Variants in NXN observed in about 807,000 individuals in gnomAD.
The protein encoded by NXN is nucleoredoxin.
In NXN, 16 loss-of-function variants were observed where a neutral mutation model predicts 48.6. The observed-to-expected ratio is 0.33, with a 90% confidence interval of 0.22 to 0.50. NXN has a LOEUF of 0.50. Among genes scored for constraint, NXN ranks in the 20% least tolerant of loss-of-function variants. The pLI is 0.98. For missense variants in NXN, 492 were observed against 605.5 expected, an observed-to-expected ratio of 0.81 and a Z score of 1.97; for synonymous variants, 281 against 269.6, an observed-to-expected ratio of 1.04 and a Z score of -0.41.
chr17:896,337 T>A (rs1417512837), intron 1 of NXN, among the ~76,000 whole-genome samples: 7 of 103,234 alleles, frequency 6.8e-5, no homozygotes, highest in Non-Finnish European at 1.1e-4. Context: ...CAAAACTCCA[T>A]CTCAAAAAAA....
At chr17:813,886 A>C (rs1912318018) in intron 5 of NXN, among the ~76,000 whole-genome samples, 1 of 151,878 alleles carries the variant, frequency 6.6e-6, no homozygotes, top group Non-Finnish European at 1.5e-5. Context: ...AGATCGCTTG[A>C]ACCCGGGAGG....
At chr17:928,082 T>C (rs2068819375) in intron 1 of NXN, among the ~76,000 whole-genome samples, 1 of 151,816 alleles carries the variant, frequency 6.6e-6, no homozygotes, top group African/African-American at 2.4e-5. Context: ...CACAGGGTTG[T>C]GGTAAGGGAC....
At chr17:879,165 C>CA (rs1206155940) in intron 1 of NXN, among the ~76,000 whole-genome samples, 193 of 150,116 alleles carry the variant, frequency 1.3e-3, no homozygotes, top group Non-Finnish European at 2.0e-3. Context: ...AACTCTGTCT[C>CA]AAAAAAAACA....
intron 1 of NXN, among the ~76,000 whole-genome samples, chr17:892,108 C>T (rs1374507077): frequency 6.7e-6 from 1 of 148,604 alleles, no homozygotes; most frequent in African/African-American, 2.5e-5. Context: ...CCCCACCATG[C>T]ACAACCCAAC....
In NXN at chr17:800,717, G is replaced by C. The variant is rs931245448; in HGVS notation, c.*232C>G. ...CAGCCCCGCTCTGGCCGGGCCCCCGGCCATCCCGTGCTCCCAAACAGAGTC... is the reference window on the plus strand; with the variant it reads ...CAGCCCCGCTCTGGCCGGGCCCCCGCCCATCCCGTGCTCCCAAACAGAGTC... On this transcript the variant is annotated 3_prime_UTR_variant, in exon 8 of 8. Coordinates refer to ENST00000336868, the MANE Select transcript of NXN (RefSeq NM_022463.5). The C allele has an allele frequency of 8.2e-6, 3 of 365,560 alleles. No homozygotes were observed. The highest frequency in any genetic ancestry group is 1.5e-5 in the Non-Finnish European group (3 of 204,542). 22.6% of individuals were successfully genotyped at this position (365,560 alleles called of 1,614,324 possible).
At chr17:899,026 T>C (rs1390243774) in intron 1 of NXN, among the ~76,000 whole-genome samples, 6 of 145,992 alleles carry the variant, frequency 4.1e-5, no homozygotes, top group South Asian at 2.3e-4. Flanking sequence ...GGCACGATCT[T>C]GGCTCACTGC....
chr17:816,797 A>G (rs1466352563), intron 5 of NXN, among the ~76,000 whole-genome samples: 1 of 152,190 alleles, frequency 6.6e-6, no homozygotes, highest in Non-Finnish European at 1.5e-5. Context: ...ATGAATTAAG[A>G]GATGGGAAGC....
intron 1 of NXN, among the ~76,000 whole-genome samples, chr17:839,205 C>T (rs1291618295): frequency 2.0e-5 from 3 of 151,994 alleles, no homozygotes; most frequent in Admixed American, 6.6e-5. Flanking sequence ...GAGGCCGAGG[C>T]GGGCGGATCA....
chr17:864,727 C>T (rs1349733921), intron 1 of NXN, among the ~76,000 whole-genome samples: 1 of 152,182 alleles, frequency 6.6e-6, no homozygotes, highest in Non-Finnish European at 1.5e-5. Flanking sequence ...CACTCTGAGG[C>T]TCCTCTAATT....
rs1049952306 is a variant in NXN, at chr17:969,690, C to T, written c.360+9629G>A. 5.3e-5 allele frequency among the ~76,000 whole-genome samples: 8 copies of T among 152,040 alleles called. No homozygotes were observed. The South Asian group carries it at 6.2e-4, about 12-fold the overall frequency. ...ACCGTCTTGACCTGATCACGTTTAACGGGAGGAAAAGCAGCGCCTTCTGAT... is the reference window on the plus strand; with the variant it reads ...ACCGTCTTGACCTGATCACGTTTAATGGGAGGAAAAGCAGCGCCTTCTGAT... On this transcript the variant is annotated intron_variant, in intron 1 of 7. Transcript: ENST00000336868.
intron 1 of NXN, among the ~76,000 whole-genome samples, chr17:912,030 C>G (rs28709570): frequency 6.6e-6 from 1 of 151,484 alleles, no homozygotes; most frequent in African/African-American, 2.4e-5. Flanking sequence ...CTCTGCCTCC[C>G]GAGTTCAAGT....
chr17:869,584 G>A (rs2068130136), intron 1 of NXN, among the ~76,000 whole-genome samples: 1 of 152,226 alleles, frequency 6.6e-6, no homozygotes, highest in Admixed American at 6.5e-5. Context: ...AAATACTTTA[G>A]AAAGATACTG....
At position 978,038 on chromosome 17, in the gene NXN, T is replaced by G. The variant is rs2069482137; in HGVS notation, c.360+1281A>C. Reference sequence around the variant, plus strand: ...TCCCACTGCTTCGGGATGGATGATTTACTCAAGACATTTGGGGTCACAGTG... The same window carrying G: ...TCCCACTGCTTCGGGATGGATGATTGACTCAAGACATTTGGGGTCACAGTG... On this transcript the variant is annotated intron_variant, in intron 1 of 7. Transcript: ENST00000336868. This position sits in a 1 kb window ranked among gnomAD's most constrained non-coding sequence, Gnocchi z 4.1. Among the ~76,000 whole-genome samples the G allele has an allele frequency of 6.6e-6, 1 of 152,232 alleles. No individual in the cohort carries two copies. The highest frequency in any genetic ancestry group is 2.1e-4 in the South Asian group (1 of 4,834).
At chr17:960,738 A>G (rs1212530114) in intron 1 of NXN, among the ~76,000 whole-genome samples, 4 of 151,354 alleles carry the variant, frequency 2.6e-5, no homozygotes, top group Admixed American at 2.6e-4. Flanking sequence ...TTGGCCTCCC[A>G]AAGCACTGGG....
intron 1 of NXN, among the ~76,000 whole-genome samples, chr17:933,734 A>T (rs2068877705): frequency 6.6e-6 from 1 of 152,160 alleles, no homozygotes; most frequent in Non-Finnish European, 1.5e-5. Context: ...TATCCGTATT[A>T]TTCACGAGGC....
rs555978485 is a variant in NXN, at chr17:800,521, C to T, written c.*428G>A. 8.4e-4 allele frequency: 130 copies of T among 154,992 alleles called. No homozygotes were observed. Among genetic ancestry groups the T allele is most frequent in the Non-Finnish European group, 1.7e-3 (116 of 69,894 alleles). The allele number at this position is 154,992 out of a possible 1,614,324, so 9.6% of individuals were successfully genotyped here. ...GCTCTAAGCGGAGGCCCTTTCTCAG[C>T]TCAGCCTCCACGCAGGTGTCACCCG... On this transcript the variant is annotated 3_prime_UTR_variant, in exon 8 of 8. Transcript: ENST00000336868.
chr17:957,108 C>T (rs1597275524), intron 1 of NXN, among the ~76,000 whole-genome samples: 1 of 151,188 alleles, frequency 6.6e-6, no homozygotes, highest in Non-Finnish European at 1.5e-5. Context: ...AAACATGTGA[C>T]CAGCAGGGGC....
chr17:969,541 C>T (rs1181699705), intron 1 of NXN, among the ~76,000 whole-genome samples: 2 of 152,218 alleles, frequency 1.3e-5, no homozygotes, highest in Non-Finnish European at 2.9e-5. Context: ...GGGGCTCCGG[C>T]GGTCACACTG....
At chr17:969,144 C>T (rs2069342253) in intron 1 of NXN, among the ~76,000 whole-genome samples, 1 of 152,074 alleles carries the variant, frequency 6.6e-6, no homozygotes, top group African/African-American at 2.4e-5. Context: ...TACCGAAGCG[C>T]CTGGTAAACA....
Sources: allele counts gnomAD v4.1 joint callset (sites outside exome capture counted in the v4.1 genomes callset), GRCh38; gene constraint gnomAD v4.1.1; non-coding constraint Gnocchi (gnomAD v3.1); transcripts MANE v1.5; gene names NCBI Gene and HGNC (gene_info 2026-07-23, HGNC 2026-07-21).